Variants in KLHL1 observed in about 807,000 individuals in gnomAD.
KLHL1 encodes kelch like family member 1.
Under a neutral mutation model 77.7 loss-of-function variants are expected in KLHL1, and 47 were observed. The ratio of observed to expected loss-of-function variants is 0.60; its 90% CI spans 0.48 to 0.77. The LOEUF is 0.77. KLHL1 is among the 30% of genes least tolerant of loss of function. The probability of loss-of-function intolerance (pLI) is 0.00; values close to 1 mark genes in which losing one functional copy is unlikely to be tolerated. For synonymous variants in KLHL1, 360 were observed against 325.2 expected (o/e 1.11, Z -1.15); for missense variants, 925 against 910.8 (o/e 1.02, Z -0.20).
chr13:70,013,085 A>T (rs1207247406), intron 1 of KLHL1, among the ~76,000 whole-genome samples: 3 of 152,130 alleles, frequency 2.0e-5, no homozygotes, highest in African/African-American at 7.2e-5. Flanking sequence ...CAAAACATTT[A>T]AAAATATCGG....
intron 5 of KLHL1, among the ~76,000 whole-genome samples, chr13:69,840,428 C>T (rs943652874): frequency 3.3e-5 from 5 of 151,686 alleles, no homozygotes; most frequent in East Asian, 2.0e-4. Flanking sequence ...TTCACCATGT[C>T]GGCCAGGCTA....
intron 7 of KLHL1, among the ~76,000 whole-genome samples, chr13:69,743,909 T>A (rs1874093906): frequency 6.6e-6 from 1 of 151,962 alleles, no homozygotes; most frequent in Non-Finnish European, 1.5e-5. Context: ...GTAGAAAAGT[T>A]TGAAAATTAT....
chr13:69,919,862 A>T (rs1044852529), intron 4 of KLHL1, among the ~76,000 whole-genome samples: 2 of 152,208 alleles, frequency 1.3e-5, no homozygotes, highest in African/African-American at 4.8e-5. Flanking sequence ...TGACTATTCC[A>T]TTATTCTAAT....
intron 3 of KLHL1, among the ~76,000 whole-genome samples, chr13:69,944,590 A>G (rs1883460544): frequency 6.6e-6 from 1 of 152,228 alleles, no homozygotes; most frequent in East Asian, 1.9e-4. Flanking sequence ...ATGTAGAGAC[A>G]TGCTGTGCTT....
At chr13:69,855,655 C>T (rs1879881094) in intron 5 of KLHL1, among the ~76,000 whole-genome samples, 1 of 151,452 alleles carries the variant, frequency 6.6e-6, no homozygotes, top group Non-Finnish European at 1.5e-5. Flanking sequence ...CCTGCCGCCT[C>T]GTAAAGAAGG....
At chr13:70,023,088 G>A (rs1327436195) in intron 1 of KLHL1, among the ~76,000 whole-genome samples, 3 of 151,910 alleles carry the variant, frequency 2.0e-5, no homozygotes, top group Non-Finnish European at 2.9e-5. Flanking sequence ...TATACCTAGA[G>A]TGCTGGAAAA....
chr13:70,018,375 T>A (rs1183198078), intron 1 of KLHL1, among the ~76,000 whole-genome samples: 3 of 152,226 alleles, frequency 2.0e-5, no homozygotes, highest in African/African-American at 7.2e-5. Context: ...GTCTGGTCTC[T>A]GAATCTCCAT....
chr13:70,107,837 G>C lies in KLHL1; in HGVS notation c.-138C>G. On this transcript the variant is annotated 5_prime_UTR_variant, in exon 1 of 11. Coordinates refer to ENST00000377844, the MANE Select transcript of KLHL1 (RefSeq NM_020866.3). ...GCACCCCTAGAGCCAGAAGACGCTA[G>C]GTGGGCTGCGCGCTCTGCCAGGCGA... is the stretch of plus-strand genomic sequence containing the variant. The C allele has an allele frequency of 4.6e-6, 3 of 652,828 alleles. No individual in the cohort carries two copies. Among genetic ancestry groups the C allele is most frequent in the Non-Finnish European group, 7.4e-6 (3 of 403,398 alleles). 40.4% of individuals were successfully genotyped at this position (652,828 alleles called of 1,614,324 possible). A position where few individuals can be genotyped will look rare whatever the true frequency, so the allele number is the denominator to read the frequency against.
chr13:69,783,320 A>T (rs1027381429), intron 7 of KLHL1, among the ~76,000 whole-genome samples: 2 of 152,204 alleles, frequency 1.3e-5, no homozygotes, highest in Non-Finnish European at 2.9e-5. Flanking sequence ...ACAAAGCTGG[A>T]TGGAGAATGA....
intron 8 of KLHL1, among the ~76,000 whole-genome samples, chr13:69,730,267 ATGTGTG>A (rs56271435): frequency 0.073 from 10,512 of 143,830 alleles, 489 homozygotes; most frequent in African/African-American, 0.15. Flanking sequence ...TAACACTTTA[ATGTGTG>A]TGTGTGTGTG....
intron 6 of KLHL1, among the ~76,000 whole-genome samples, chr13:69,799,289 G>A (rs1040277504): frequency 1.3e-5 from 2 of 152,136 alleles, no homozygotes; most frequent in African/African-American, 4.8e-5. Context: ...AATCTTTGCA[G>A]GGAATTTGAG....
intron 5 of KLHL1, among the ~76,000 whole-genome samples, chr13:69,860,852 T>C (rs1212834016): frequency 6.6e-6 from 1 of 151,290 alleles, no homozygotes; most frequent in African/African-American, 2.4e-5. Flanking sequence ...GAATTACATA[T>C]TTAAAAAAAA....
intron 1 of KLHL1, among the ~76,000 whole-genome samples, chr13:70,073,030 T>C (rs1390245802): frequency 6.6e-6 from 1 of 152,110 alleles, no homozygotes; most frequent in Admixed American, 6.5e-5. Flanking sequence ...GAACTAGAAA[T>C]ACCATTTGAC....
intron 1 of KLHL1, among the ~76,000 whole-genome samples, chr13:69,984,984 G>A (rs866485016): frequency 2.7e-4 from 41 of 152,100 alleles, no homozygotes; most frequent in African/African-American, 9.6e-4. Context: ...GGTGGCGGGC[G>A]CCTGTAATAC....
intron 1 of KLHL1, among the ~76,000 whole-genome samples, chr13:70,007,759 C>G (rs561161721): frequency 6.6e-6 from 1 of 152,048 alleles, no homozygotes; most frequent in African/African-American, 2.4e-5. Flanking sequence ...TAATTATTCA[C>G]TAAAACACAG....
chr13:69,772,320 G>T (rs1875612212), intron 7 of KLHL1, among the ~76,000 whole-genome samples: 1 of 151,646 alleles, frequency 6.6e-6, no homozygotes, highest in Non-Finnish European at 1.5e-5. Context: ...AAAAGAAATT[G>T]TCCTAGAATA....
chr13:70,071,308 G>A (rs1409551571), intron 1 of KLHL1, among the ~76,000 whole-genome samples: 1 of 151,900 alleles, frequency 6.6e-6, no homozygotes, highest in Non-Finnish European at 1.5e-5. Flanking sequence ...TTTCTAAGAA[G>A]ACACAACAGT....
intron 7 of KLHL1, among the ~76,000 whole-genome samples, chr13:69,769,420 A>G (rs935760071): frequency 6.6e-6 from 1 of 152,126 alleles, no homozygotes; most frequent in Non-Finnish European, 1.5e-5. Flanking sequence ...CAGTGACAGG[A>G]GACAGACAAA....
chr13:69,988,083 T>G (rs1884923901), intron 1 of KLHL1, among the ~76,000 whole-genome samples: 1 of 149,392 alleles, frequency 6.7e-6, no homozygotes, highest in African/African-American at 2.6e-5. Flanking sequence ...CTAAATAGCT[T>G]TTTTTTGGCG....
Sources: gnomAD v4.1 joint callset for allele counts (sites outside exome capture counted in the v4.1 genomes callset) on GRCh38, gnomAD v4.1.1 for gene constraint, MANE v1.5 for transcripts, NCBI Gene and HGNC (gene_info 2026-07-23, HGNC 2026-07-21) for gene names.